HUNK: variants seen among roughly 807,000 people sequenced by gnomAD.
The protein encoded by HUNK is hormonally up-regulated neu tumor-associated kinase.
HUNK carries 21 observed loss-of-function variants against 61.0 expected under a neutral mutation model. The observed-to-expected ratio is 0.34, with a 90% CI of 0.24 to 0.50. The LOEUF (loss-of-function observed/expected upper bound fraction) is 0.50. HUNK is among the 20% of genes least tolerant of loss of function. The pLI, the probability that HUNK is intolerant of heterozygous loss-of-function variation, is 0.98. For missense variants in HUNK, 772 were observed against 945.7 expected (o/e 0.82, Z 2.41); for synonymous variants, 371 against 386.1 (o/e 0.96, Z 0.46).
chr21:31,962,980 G>A (rs1179879447), intron 5 of HUNK, among the ~76,000 whole-genome samples: 1 of 152,228 alleles, frequency 6.6e-6, no homozygotes, highest in African/African-American at 2.4e-5. Context: ...GCAGCCCAGG[G>A]CATCTTATCT....
At chr21:31,979,874 A>G (rs577699341) in intron 7 of HUNK, among the ~76,000 whole-genome samples, 35 of 152,246 alleles carry the variant, frequency 2.3e-4, no homozygotes, top group African/African-American at 7.9e-4. Context: ...CCCATTCCAT[A>G]GATCTCTTTA....
intron 1 of HUNK, among the ~76,000 whole-genome samples, chr21:31,917,739 CA>C (rs1180412561): frequency 2.0e-5 from 3 of 148,090 alleles, no homozygotes; most frequent in Non-Finnish European, 3.0e-5. Context: ...CACACACACA[CA>C]CACACACACA....
At chr21:31,995,377 G>C (rs1234443781) in intron 9 of HUNK, among the ~76,000 whole-genome samples, 1 of 152,202 alleles carries the variant, frequency 6.6e-6, no homozygotes, top group African/African-American at 2.4e-5. Context: ...TATGTTTCCA[G>C]TTGCCTTTGC....
chr21:31,923,746 C>T (rs963207369), intron 1 of HUNK, among the ~76,000 whole-genome samples: 6 of 152,234 alleles, frequency 3.9e-5, no homozygotes, highest in East Asian at 1.9e-4. Context: ...TCCCTCCCAC[C>T]GTACCTCTTA....
intron 6 of HUNK, among the ~76,000 whole-genome samples, chr21:31,970,531 G>T (rs1398289975): frequency 1.3e-5 from 2 of 152,132 alleles, no homozygotes; most frequent in African/African-American, 4.8e-5. Flanking sequence ...AAAGGACCTT[G>T]CCTCATTATC....
chr21:31,939,389 G>A (rs1291347776), intron 2 of HUNK, among the ~76,000 whole-genome samples: 1 of 144,712 alleles, frequency 6.9e-6, no homozygotes, highest in Non-Finnish European at 1.5e-5. Context: ...AATTAAGTTG[G>A]CTTTCATGTG....
At chr21:31,993,671 C>T (rs147097513) in intron 9 of HUNK, among the ~76,000 whole-genome samples, 14 of 152,198 alleles carry the variant, frequency 9.2e-5, no homozygotes, top group African/African-American at 1.9e-4. Context: ...TGTGTGTAAG[C>T]GTGTGTGCAA....
chr21:31,888,022 A>G (rs1321841639), intron 1 of HUNK, among the ~76,000 whole-genome samples: 2 of 152,132 alleles, frequency 1.3e-5, no homozygotes, highest in East Asian at 1.9e-4. Context: ...GCTTTGCTGC[A>G]TGAGACAACT....
intron 1 of HUNK, among the ~76,000 whole-genome samples, chr21:31,893,309 G>T (rs372907490): frequency 6.6e-6 from 1 of 152,152 alleles, no homozygotes; most frequent in East Asian, 1.9e-4. Context: ...GCAGATAAAA[G>T]TCTTCCAGGT....
chr21:31,909,893 C>CTAAT (rs1375765781), intron 1 of HUNK, among the ~76,000 whole-genome samples: 1 of 152,196 alleles, frequency 6.6e-6, no homozygotes, highest in Non-Finnish European at 1.5e-5. Flanking sequence ...CTGGGTCATG[C>CTAAT]TAATCACCAC....
At chr21:31,940,979 T>G (rs1179172876) in intron 3 of HUNK, among the ~76,000 whole-genome samples, 2 of 152,182 alleles carry the variant, frequency 1.3e-5, no homozygotes, top group Non-Finnish European at 2.9e-5. Context: ...AAGAGAAGGA[T>G]CAATAGGACT....
rs2052594472 is a variant in HUNK, at chr21:31,917,723, C to T, written c.262-6745C>T. ...ACACACACACACACACACACACACA[C>T]ACACACACACACACACACACACACA... On this transcript the variant is annotated intron_variant, in intron 1 of 10. Coordinates refer to ENST00000270112, the MANE Select transcript of HUNK (RefSeq NM_014586.2). Among the ~76,000 whole-genome samples, 17 of 149,258 alleles carry T rather than the reference C, an allele frequency of 1.1e-4. No homozygotes were observed. The South Asian group carries it at 3.7e-3, about 32-fold the overall frequency.
chr21:31,958,170 G>A (rs2052902287), intron 4 of HUNK, among the ~76,000 whole-genome samples: 2 of 151,976 alleles, frequency 1.3e-5, no homozygotes, highest in Non-Finnish European at 2.9e-5. Context: ...AACATTCGGA[G>A]AGAGCAGAGG....
In HUNK at chr21:31,998,608, G is replaced by A; in HGVS notation, c.1569G>A (p.Val523=). ...CTTCTTCCATGGAGTTCATCCCCGT[G>A]CCACCGCCCAGGACCCCGAGGATTG... ...VASSSMEFIP[V]PPPRTPRIVK... Residue 523 remains valine (V), a synonymous_variant, in exon 11 of 11, where the codon GTG becomes GTA. Transcript: ENST00000270112. The A allele has an allele frequency of 6.2e-7, 1 of 1,613,952 alleles. No homozygotes were observed. The highest frequency in any genetic ancestry group is 1.1e-5 in the South Asian group (1 of 91,066).
chr21:31,881,472 CA>C (rs1286047668), intron 1 of HUNK, among the ~76,000 whole-genome samples: 1 of 151,868 alleles, frequency 6.6e-6, no homozygotes, highest in African/African-American at 2.4e-5. Flanking sequence ...ACTAAAAATA[CA>C]AAAAAATTAG....
At chr21:31,961,108 C>T (rs939497039) in intron 5 of HUNK, among the ~76,000 whole-genome samples, 5 of 152,220 alleles carry the variant, frequency 3.3e-5, no homozygotes, top group Non-Finnish European at 7.3e-5. Context: ...TTCCTTCCTC[C>T]TGCTCTCCCT....
intron 2 of HUNK, among the ~76,000 whole-genome samples, chr21:31,933,386 A>G (rs1601385332): frequency 6.6e-6 from 1 of 152,184 alleles, no homozygotes; most frequent in African/African-American, 2.4e-5. Flanking sequence ...ACAGTGGTTC[A>G]CGCTTATAAT....
chr21:31,963,839 C>A (rs1362703905), intron 5 of HUNK, among the ~76,000 whole-genome samples: 1 of 152,180 alleles, frequency 6.6e-6, no homozygotes, highest in Non-Finnish European at 1.5e-5. Context: ...AATTCTTCGG[C>A]TCTTTTTAAA....
intron 1 of HUNK, among the ~76,000 whole-genome samples, chr21:31,876,690 A>C (rs2052264726): frequency 6.6e-6 from 1 of 152,248 alleles, no homozygotes; most frequent in Non-Finnish European, 1.5e-5. Flanking sequence ...GAGGTCATTA[A>C]GCCTCCAGTG....
Sources: allele counts gnomAD v4.1 joint callset (sites outside exome capture counted in the v4.1 genomes callset), GRCh38; gene constraint gnomAD v4.1.1; transcripts MANE v1.5; gene names NCBI Gene and HGNC (gene_info 2026-07-23, HGNC 2026-07-21).